Variants in MYO1H observed in about 807,000 individuals in gnomAD.
MYO1H encodes unconventional myosin-Ih.
A neutral mutation model predicts 149.3 loss-of-function variants in MYO1H; 118 were observed. The ratio of observed to expected loss-of-function variants is 0.79; its 90% confidence interval spans 0.68 to 0.92. The LOEUF (loss-of-function observed/expected upper bound fraction) is 0.92. Among genes scored for constraint, MYO1H ranks in the 40% least tolerant of loss-of-function variants. The probability of loss-of-function intolerance (pLI) is 0.00; values close to 1 mark genes in which losing one functional copy is unlikely to be tolerated. For synonymous variants in MYO1H, 447 were observed against 465.2 expected (o/e 0.96, Z 0.50); for missense variants, 1,212 against 1,280.7 (o/e 0.95, Z 0.82).
chr12:109,364,061 C>T (rs1405879334), intron 1 of MYO1H, among the ~76,000 whole-genome samples: 1 of 150,310 alleles, frequency 6.7e-6, no homozygotes, highest in Non-Finnish European at 1.5e-5. Flanking sequence ...AATATGTTAG[C>T]CGGGAAGTCT....
At chr12:109,383,178 T>C (rs924612194) in intron 1 of MYO1H, among the ~76,000 whole-genome samples, 2 of 152,170 alleles carry the variant, frequency 1.3e-5, no homozygotes, top group African/African-American at 4.8e-5. Context: ...TATTAAGGTT[T>C]CTTATAACAT....
At chr12:109,441,843 T>TC in intron 26 of MYO1H, 135 bp downstream of exon 26, 2 of 606,354 alleles carry the variant, frequency 3.3e-6, no homozygotes, top group Non-Finnish European at 2.9e-6. Flanking sequence ...GCTCAGGAGT[T>TC]CGAGACCAGC....
chr12:109,404,185 A>C, intron 7 of MYO1H, 105 bp downstream of exon 7: 1 of 836,274 alleles, frequency 1.2e-6, no homozygotes. Context: ...ACAAATAAAA[A>C]TACAGGATGC....
At chr12:109,389,459 G>A (rs575931521) in intron 2 of MYO1H, among the ~76,000 whole-genome samples, 1 of 152,250 alleles carries the variant, frequency 6.6e-6, no homozygotes, top group African/African-American at 2.4e-5. Flanking sequence ...GAGAGCTGGG[G>A]AAGAGGGTTC....
At chr12:109,413,171 C>T (rs1358805517) in intron 14 of MYO1H, among the ~76,000 whole-genome samples, 1 of 152,060 alleles carries the variant, frequency 6.6e-6, no homozygotes, top group Admixed American at 6.6e-5. Flanking sequence ...GGTGGGCTTT[C>T]ACCATGTTAG....
At chr12:109,413,482 A>C (rs528662882) in intron 14 of MYO1H, among the ~76,000 whole-genome samples, 1 of 152,364 alleles carries the variant, frequency 6.6e-6, no homozygotes, top group Admixed American at 6.5e-5. Flanking sequence ...ATTGCAAAGG[A>C]TAAGTACATG....
intron 15 of MYO1H, among the ~76,000 whole-genome samples, chr12:109,420,273 G>T (rs561561183): frequency 6.6e-6 from 1 of 152,180 alleles, no homozygotes; most frequent in Non-Finnish European, 1.5e-5. Context: ...TGAGGACCTG[G>T]TTCTCAATGA....
intron 20 of MYO1H, among the ~76,000 whole-genome samples, chr12:109,434,788 C>T (rs773484949): frequency 5.9e-5 from 9 of 152,188 alleles, no homozygotes; most frequent in Non-Finnish European, 1.0e-4. Flanking sequence ...TCTCTGCCTC[C>T]GTCCTCACGT....
chr12:109,405,891 T>C (rs369119996), intron 7 of MYO1H, 31 bp from the exon 8 acceptor site: 23 of 1,486,410 alleles, frequency 1.5e-5, no homozygotes, highest in Middle Eastern at 1.7e-4. Flanking sequence ...TGTCCTGATC[T>C]CCTGTCTCTG....
chr12:109,393,400 A>T (rs556070676), exon 3 of MYO1H: 1 of 1,588,784 alleles, frequency 6.3e-7, no homozygotes, highest in Non-Finnish European at 8.6e-7. Flanking sequence ...TGTGAGCCAG[A>T]TGGAACTTTA....
At chr12:109,341,129 A>C in the MYO1H span, among the ~76,000 whole-genome samples, 1 of 141,876 alleles carries the variant, frequency 7.0e-6, no homozygotes, top group Non-Finnish European at 1.5e-5. Context: ...CGGAGGTTGC[A>C]GTGAGCCAAG....
chr12:109,367,675 C>T (rs1868893940), intron 1 of MYO1H, among the ~76,000 whole-genome samples: 1 of 152,066 alleles, frequency 6.6e-6, no homozygotes, highest in Non-Finnish European at 1.5e-5. Context: ...CCTCAGCCTC[C>T]TGAGTAGCTA....
At chr12:109,329,033 C>CTTTTTTTTTTTTTT in the MYO1H span, among the ~76,000 whole-genome samples, 2 of 132,070 alleles carry the variant, frequency 1.5e-5, no homozygotes, top group South Asian at 2.4e-4. Context: ...TCTTTTTTTT[C>CTTTTTTTTTTTTTT]TTTTTTTTTT....
chr12:109,371,294 C>A (rs2137015609), intron 1 of MYO1H, among the ~76,000 whole-genome samples: 2 of 146,910 alleles, frequency 1.4e-5, no homozygotes, highest in East Asian at 4.0e-4. Context: ...TGACTCACTG[C>A]AGCCTCTACC....
At chr12:109,409,488 A>G (rs1870568663) in intron 10 of MYO1H, 69 bp from the exon 11 acceptor site, 1 of 1,335,244 alleles carries the variant, frequency 7.5e-7, no homozygotes, top group Non-Finnish European at 1.1e-6. Context: ...AGTTTAGGGG[A>G]GCAGCAACAG....
chr12:109,332,919 G>T, the MYO1H span, among the ~76,000 whole-genome samples: 131 of 152,240 alleles, frequency 8.6e-4, no homozygotes, highest in African/African-American at 3.0e-3. Flanking sequence ...CTACACAAAT[G>T]TTCCCCAAAG....
chr12:109,439,145 GCTCACTGCAAC>G (rs1871999906), intron 23 of MYO1H, among the ~76,000 whole-genome samples: 1 of 152,024 alleles, frequency 6.6e-6, no homozygotes, highest in Non-Finnish European at 1.5e-5. Flanking sequence ...TGTGATCTCG[GCTCACTGCAAC>G]CTCCGCCTTC....
At chr12:109,413,519 A>G (rs1403202318) in intron 14 of MYO1H, among the ~76,000 whole-genome samples, 1 of 152,222 alleles carries the variant, frequency 6.6e-6, no homozygotes, top group Non-Finnish European at 1.5e-5. Flanking sequence ...CAAGAATGGA[A>G]AAATAAATTG....
intron 15 of MYO1H, among the ~76,000 whole-genome samples, chr12:109,419,111 G>A (rs1233320088): frequency 6.6e-6 from 1 of 152,096 alleles, no homozygotes; most frequent in Non-Finnish European, 1.5e-5. Context: ...CCTTTGGGGG[G>A]ACCACAATAA....
Sources: gnomAD v4.1 joint callset for allele counts (sites outside exome capture counted in the v4.1 genomes callset) on GRCh38, gnomAD v4.1.1 for gene constraint, MANE v1.5 for transcripts, NCBI Gene and HGNC (gene_info 2026-07-23, HGNC 2026-07-21) for gene names.